Variants in KLF17 observed in about 807,000 individuals in gnomAD.
KLF17 encodes Krueppel-like factor 17.
In KLF17, 31 loss-of-function variants were observed where a neutral mutation model predicts 34.2. That is an observed-to-expected ratio of 0.91 (90% CI 0.68 to 1.22). The LOEUF (loss-of-function observed/expected upper bound fraction) is 1.22. Among genes scored for constraint, KLF17 ranks in the 50% most tolerant of loss-of-function variants. KLF17 has a pLI of 0.00. For missense variants in KLF17, 478 were observed against 505.2 expected (o/e 0.95, Z 0.52); for synonymous variants, 179 against 186.7 (o/e 0.96, Z 0.34).
chr1:44,098,208 A>G, the KLF17 span, among the ~76,000 whole-genome samples: 14,349 of 152,216 alleles, frequency 0.094, 739 homozygotes, highest in African/African-American at 0.13. Flanking sequence ...GTATGTTTCT[A>G]AAATTTATCA....
rs373218758 is a variant in KLF17 at position 44,129,340 on chromosome 1, C to T, written c.82-13C>T. ...GAATTTGAGCAAAAATCACCTGACT[C>T]TTTTTCCCCAAGGATAACGAGAACT... On this transcript the variant is annotated splice_polypyrimidine_tract_variant and intron_variant, in intron 1 of 3. Transcript: ENST00000372299. 1.3e-6 allele frequency: 2 copies of T among 1,505,380 alleles called. No individual in the cohort carries two copies. The highest frequency in any genetic ancestry group is 1.8e-6 in the Non-Finnish European group (2 of 1,127,374). 93.3% of individuals were successfully genotyped at this position (1,505,380 alleles called of 1,614,324 possible). A position where few individuals can be genotyped will look rare whatever the true frequency, so the allele number is the denominator to read the frequency against.
the KLF17 span, among the ~76,000 whole-genome samples, chr1:44,110,226 A>T: frequency 5.9e-5 from 9 of 152,116 alleles, no homozygotes. Flanking sequence ...TTAAAATGGC[A>T]ATGATGAACA....
chr1:44,066,259 C>T, the KLF17 span, among the ~76,000 whole-genome samples: 7 of 151,646 alleles, frequency 4.6e-5, no homozygotes, highest in African/African-American at 7.3e-5. Flanking sequence ...GTCAAGGCTG[C>T]GGTGAGCCAT....
the KLF17 span, among the ~76,000 whole-genome samples, chr1:44,074,195 T>G: frequency 6.6e-6 from 1 of 152,122 alleles, no homozygotes; most frequent in Non-Finnish European, 1.5e-5. Flanking sequence ...ATCCTCATCA[T>G]GCCCCTACCA....
At chr1:44,053,462 G>T in the KLF17 span, among the ~76,000 whole-genome samples, 31 of 152,208 alleles carry the variant, frequency 2.0e-4, no homozygotes, top group Non-Finnish European at 3.1e-4. Flanking sequence ...TAGTTCTGGG[G>T]GGGGAGGACA....
chr1:44,125,671 TTGGCCAGGC>T (rs2154311575), intron 1 of KLF17, among the ~76,000 whole-genome samples: 1 of 152,308 alleles, frequency 6.6e-6, no homozygotes, highest in Non-Finnish European at 1.5e-5. Flanking sequence ...TTTCACTATG[TTGGCCAGGC>T]TGGCCTTGAA....
At chr1:44,102,387 T>C in the KLF17 span, among the ~76,000 whole-genome samples, 2 of 151,872 alleles carry the variant, frequency 1.3e-5, no homozygotes, top group African/African-American at 4.8e-5. Flanking sequence ...ACCCTGTCTC[T>C]ACTAAAAATA....
intron 1 of KLF17, among the ~76,000 whole-genome samples, chr1:44,121,302 GC>G (rs1317341768): frequency 1.3e-5 from 2 of 151,974 alleles, no homozygotes; most frequent in African/African-American, 4.8e-5. Context: ...AATTTTAGTA[GC>G]GGGATTTTGC....
At chr1:44,118,311 A>G (rs533500122), upstream of KLF17, among the ~76,000 whole-genome samples, 62 of 152,372 alleles carry the variant, frequency 4.1e-4, no homozygotes, top group African/African-American at 1.4e-3. Flanking sequence ...CGGGGCACTC[A>G]GTAAACACTG....
At chr1:44,112,562 GC>G in the KLF17 span, among the ~76,000 whole-genome samples, 1 of 151,972 alleles carries the variant, frequency 6.6e-6, no homozygotes, top group Admixed American at 6.6e-5. Flanking sequence ...TTGCCACCAT[GC>G]CTGGCCATTT....
the KLF17 span, among the ~76,000 whole-genome samples, chr1:44,102,729 G>A: frequency 1.3e-5 from 2 of 152,098 alleles, no homozygotes; most frequent in African/African-American, 2.4e-5. Flanking sequence ...TTCATCGATT[G>A]TAACAAATGC....
chr1:44,127,692 T>TTCTTTCTTTCTTTCTTTC (rs753421834), intron 1 of KLF17, among the ~76,000 whole-genome samples: 149 of 90,082 alleles, frequency 1.7e-3, no homozygotes, highest in Non-Finnish European at 1.9e-3. Flanking sequence ...CTTTCTTTCT[T>TTCTTTCTTTCTTTCTTTC]TTTCTTTCTT....
rs761749908 is a variant in KLF17, at chr1:44,130,016, C to T, written c.745C>T (p.Pro249Ser). The T allele has an allele frequency of 5.6e-6, 9 of 1,613,940 alleles. No individual in the cohort carries two copies. The Admixed American group carries it at 1.5e-4, about 27-fold the overall frequency. Residue 249 changes from proline to serine, a missense_variant, in exon 2 of 4, where the codon CCA becomes TCA. Pro to Ser is a moderately conservative substitution (Grantham distance 74, BLOSUM62 -1). Transcript: ENST00000372299. ...LVSQPDSQEG[P>S]FLPEQPGPAP... ...CAGTCAGCCAGACTCTCAAGAAGGC[C>T]CATTTCTACCAGAGCAGCCCGGACC... is the stretch of plus-strand genomic sequence containing the variant.
In KLF17 at chr1:44,129,595, T is replaced by A; in HGVS notation, c.324T>A (p.Pro108=). Residue 108 remains proline (P), a synonymous_variant, in exon 2 of 4, where the codon CCT becomes CCA. Transcript: ENST00000372299. ...ACTGCCCCCAAGCGACTCTCACTCC[T>A]TCCCGGATGATTTACTGTCAGAGAA... ...MSYCPQATLT[P]SRMIYCQRMS... is the part of the protein sequence containing the mutation. 1.2e-6 allele frequency: 2 copies of A among 1,614,174 alleles called. No homozygotes were observed. The highest frequency in any genetic ancestry group is 1.7e-6 in the Non-Finnish European group (2 of 1,180,032).
upstream of KLF17, among the ~76,000 whole-genome samples, chr1:44,116,114 G>A (rs2087877252): frequency 6.6e-6 from 1 of 152,130 alleles, no homozygotes; most frequent in Admixed American, 6.5e-5. Context: ...ATGCCATGTT[G>A]GGAGAAACAC....
Position 44,129,500 on chromosome 1 carries a change from G to A in KLF17, c.229G>A (p.Ala77Thr), listed in dbSNP as rs753058278. Reference sequence around the variant, plus strand: ...GGGGTCCCCTTTGGTGTCTGTTGAGGCGCCGGGGCAGAATGTGAATGAAGG... The same window carrying A: ...GGGGTCCCCTTTGGTGTCTGTTGAGACGCCGGGGCAGAATGTGAATGAAGG... ...MLGSPLVSVE[A>T]PGQNVNEGGP... The change falls in exon 2 of 4, where the codon GCG (alanine) becomes ACG (threonine). Residue 77 changes from alanine to threonine, a missense_variant. Transcript: ENST00000372299. 1 of 1,612,636 alleles carries A rather than the reference G, an allele frequency of 6.2e-7. No homozygotes were observed. Among genetic ancestry groups the A allele is most frequent in the South Asian group, 1.1e-5 (1 of 90,854 alleles).
At chr1:44,053,019 C>T in the KLF17 span, among the ~76,000 whole-genome samples, 4 of 151,770 alleles carry the variant, frequency 2.6e-5, no homozygotes, top group Non-Finnish European at 5.9e-5. Flanking sequence ...CCTGCCTCAG[C>T]CTCCCAAGTA....
upstream of KLF17, among the ~76,000 whole-genome samples, chr1:44,118,513 C>A (rs187055014): frequency 6.6e-6 from 1 of 152,218 alleles, no homozygotes; most frequent in Non-Finnish European, 1.5e-5. Context: ...TCTCTCCAGC[C>A]TCGCCTCTCT....
At chr1:44,067,667 G>A in the KLF17 span, among the ~76,000 whole-genome samples, 1 of 152,198 alleles carries the variant, frequency 6.6e-6, no homozygotes, top group African/African-American at 2.4e-5. Flanking sequence ...AGAGGGTGCA[G>A]AACTTCCTGA....
Sources: gnomAD v4.1 joint callset for allele counts (sites outside exome capture counted in the v4.1 genomes callset) on GRCh38, gnomAD v4.1.1 for gene constraint, MANE v1.5 for transcripts, NCBI Gene and HGNC (gene_info 2026-07-23, HGNC 2026-07-21) for gene names.